The following PTPRD variants were observed in gnomAD, a reference collection of about 807,000 sequenced individuals.
PTPRD encodes receptor-type tyrosine-protein phosphatase delta.
Under a neutral mutation model 214.5 loss-of-function variants are expected in PTPRD, and 34 were observed. The ratio of observed to expected loss-of-function variants is 0.16; its 90% confidence interval spans 0.12 to 0.21. The LOEUF (loss-of-function observed/expected upper bound fraction) is 0.21, where lower values mean the gene tolerates loss of function less well. PTPRD is among the 10% of genes least tolerant of loss of function. The pLI is 1.00. For synonymous variants in PTPRD, 1,128 were observed against 845.7 expected, an observed-to-expected ratio of 1.33 and a Z score of -5.79; for missense variants, 2,545 against 2,398.7, an observed-to-expected ratio of 1.06 and a Z score of -1.27.
intron 39 of PTPRD, 25 bp downstream of exon 39, chr9:8,375,911 C>T (rs766217435): frequency 6.3e-7 from 1 of 1,598,938 alleles, no homozygotes; most frequent in East Asian, 2.2e-5. Context: ...TGTTTCCTGA[C>T]TGCAAGTGAA....
intron 2 of PTPRD, among the ~76,000 whole-genome samples, chr9:10,446,858 GGCCTAATGTTTGT>G (rs2098803650): frequency 6.6e-6 from 1 of 152,078 alleles, no homozygotes; most frequent in African/African-American, 2.4e-5. Context: ...AGAAATCATG[GGCCTAATGTTTGT>G]GCCACAGCAT....
At chr9:10,295,019 A>T (rs1275233501) in intron 3 of PTPRD, among the ~76,000 whole-genome samples, 1 of 152,030 alleles carries the variant, frequency 6.6e-6, no homozygotes, top group African/African-American at 2.4e-5. Context: ...ATGGTGATTT[A>T]ATACGACATA....
intron 10 of PTPRD, among the ~76,000 whole-genome samples, chr9:9,153,025 G>C (rs113124449): frequency 4.7e-4 from 71 of 152,234 alleles, no homozygotes; most frequent in African/African-American, 1.7e-3. Context: ...TCACCACTAT[G>C]TGCTGCTTGA....
intron 8 of PTPRD, among the ~76,000 whole-genome samples, chr9:9,521,099 C>T (rs1375091240): frequency 1.3e-5 from 2 of 152,104 alleles, no homozygotes; most frequent in Non-Finnish European, 2.9e-5. Flanking sequence ...TTTAGAACCT[C>T]TCCATAACTA....
rs151081889 is a variant in PTPRD at position 8,517,948 on chromosome 9, G to A, written c.1443C>T (p.Asn481=). Residue 481 remains asparagine, a synonymous_variant, in exon 21 of 46, where the codon AAC becomes AAT. Transcript: ENST00000381196. Reference sequence around the variant, plus strand: ...CAGAATATGTTTTCTGGGGCACTAAGTTGCCAATAGTAGTGATTTGGCTGT... The same window carrying A: ...CAGAATATGTTTTCTGGGGCACTAAATTGCCAATAGTAGTGATTTGGCTGT... ...VADSQITTIG[N]LVPQKTYSVK... is the part of the protein sequence containing the mutation. 1 of 1,614,176 alleles carries A rather than the reference G, an allele frequency of 6.2e-7. No homozygotes were observed. Among genetic ancestry groups the A allele is most frequent in the Non-Finnish European group, 8.5e-7 (1 of 1,180,022 alleles).
intron 8 of PTPRD, among the ~76,000 whole-genome samples, chr9:9,503,585 A>G (rs535383251): frequency 6.6e-6 from 1 of 151,796 alleles, no homozygotes; most frequent in Non-Finnish European, 1.5e-5. Flanking sequence ...AGTCAACTAC[A>G]GTAAATATTG....
intron 5 of PTPRD, among the ~76,000 whole-genome samples, chr9:9,774,424 G>A (rs2098779779): frequency 6.6e-6 from 1 of 152,094 alleles, no homozygotes; most frequent in Non-Finnish European, 1.5e-5. Flanking sequence ...GTGATGATTT[G>A]GGCTCAGGGT....
intron 12 of PTPRD, among the ~76,000 whole-genome samples, chr9:8,651,436 C>G (rs1305196496): frequency 6.6e-6 from 1 of 152,126 alleles, no homozygotes; most frequent in Admixed American, 6.5e-5. Context: ...TTAATCGGAA[C>G]CTGGCACACG....
At chr9:9,370,742 G>A (rs1162049876) in intron 9 of PTPRD, among the ~76,000 whole-genome samples, 3 of 152,130 alleles carry the variant, frequency 2.0e-5, no homozygotes, top group East Asian at 3.9e-4. Flanking sequence ...GATATTGGCG[G>A]TGGGTTTGTC....
intron 11 of PTPRD, among the ~76,000 whole-genome samples, chr9:8,953,815 T>C (rs944593325): frequency 6.6e-6 from 1 of 151,952 alleles, no homozygotes; most frequent in African/African-American, 2.4e-5. Context: ...CTCACACCAG[T>C]CAGAATGGCT....
At chr9:9,302,601 C>CTTTTTTTTTTTTTTTTTTTTTT (rs3047853) in intron 9 of PTPRD, among the ~76,000 whole-genome samples, 19 of 111,888 alleles carry the variant, frequency 1.7e-4, no homozygotes, top group Non-Finnish European at 2.3e-4. Flanking sequence ...TTTTTTTTTT[C>CTTTTTTTTTTTTTTTTTTTTTT]TTTTTTTTTT....
At position 9,189,350 on chromosome 9, in the gene PTPRD, A is replaced by C. The variant is rs189163673; in HGVS notation, c.-202-5987T>G. Among the ~76,000 whole-genome samples, 429 of 152,214 alleles carry C rather than the reference A, an allele frequency of 2.8e-3. 2 individuals carry two copies. Among genetic ancestry groups the C allele is most frequent in the African/African-American group, 9.9e-3 (413 of 41,562 alleles). The stretch of plus-strand genomic sequence containing the variant: ...AGTGATTTGATGGGGCTAACGTAGT[A>C]GTTAACTGCAGATATAGAAGAATCT... On this transcript the variant is annotated intron_variant, in intron 9 of 45. Transcript: ENST00000381196.
chr9:9,773,805 G>C (rs2098773679), intron 5 of PTPRD, among the ~76,000 whole-genome samples: 1 of 152,112 alleles, frequency 6.6e-6, no homozygotes, highest in South Asian at 2.1e-4. Flanking sequence ...GTGAAGACAG[G>C]TGCAAGGCCC....
At chr9:8,487,360 G>T (rs1251732239) in intron 27 of PTPRD, among the ~76,000 whole-genome samples, 1 of 152,118 alleles carries the variant, frequency 6.6e-6, no homozygotes, top group South Asian at 2.1e-4. Context: ...TTAATGGAGA[G>T]CAATTATTAT....
intron 3 of PTPRD, among the ~76,000 whole-genome samples, chr9:10,041,451 G>A (rs897143252): frequency 2.6e-5 from 4 of 151,786 alleles, no homozygotes; most frequent in Non-Finnish European, 4.4e-5. Flanking sequence ...CACTTTTTAA[G>A]GACCTAAAAT....
chr9:10,010,403 G>C (rs1308091917), intron 4 of PTPRD, among the ~76,000 whole-genome samples: 2 of 148,278 alleles, frequency 1.3e-5, no homozygotes, highest in Non-Finnish European at 3.0e-5. Flanking sequence ...TGCTTGTGTT[G>C]ATTTTTAAAT....
At chr9:10,087,493 C>T (rs1261454344) in intron 3 of PTPRD, among the ~76,000 whole-genome samples, 1 of 151,650 alleles carries the variant, frequency 6.6e-6, no homozygotes. Flanking sequence ...CATTATATCA[C>T]TACAACTACA....
Position 9,197,663 on chromosome 9 carries a change from G to A in PTPRD, c.-202-14300C>T, listed in dbSNP as rs546056003. On this transcript the variant is annotated intron_variant, in intron 9 of 45. Transcript: ENST00000381196. ...TGACCTCAGGTGATCTGCCCGCCAC[G>A]GCCTCCCAAAGTGCTGGGATTACAG... Among the ~76,000 whole-genome samples, 5 of 152,102 alleles carry A rather than the reference G, an allele frequency of 3.3e-5. No homozygotes were observed. In the South Asian group the frequency reaches 6.3e-4, roughly 19 times the overall value.
At chr9:9,812,883 T>C (rs79493485) in intron 5 of PTPRD, among the ~76,000 whole-genome samples, 1,861 of 152,250 alleles carry the variant, frequency 0.012, 27 homozygotes, top group African/African-American at 0.042. Context: ...TGTTAGACTG[T>C]AAATCTGAGC....
Sources: allele counts gnomAD v4.1 joint callset (sites outside exome capture counted in the v4.1 genomes callset), GRCh38; gene constraint gnomAD v4.1.1; transcripts MANE v1.5; gene names NCBI Gene and HGNC (gene_info 2026-07-23, HGNC 2026-07-21).